The following FAM20B variants were observed in gnomAD, a reference collection of about 807,000 sequenced individuals.
FAM20B encodes FAM20B glycosaminoglycan xylosylkinase.
Under a neutral mutation model 43.8 loss-of-function variants are expected in FAM20B, and 23 were observed. That is an observed-to-expected ratio of 0.53 (90% CI 0.38 to 0.74). The LOEUF (loss-of-function observed/expected upper bound fraction) is 0.74, where lower values mean the gene tolerates loss of function less well. FAM20B is among the 30% of genes least tolerant of loss of function. The pLI is 0.00. For missense variants in FAM20B, 440 were observed against 510.5 expected, an observed-to-expected ratio of 0.86 and a Z score of 1.33; for synonymous variants, 178 against 192.4, an observed-to-expected ratio of 0.93 and a Z score of 0.62.
intron 1 of FAM20B, among the ~76,000 whole-genome samples, chr1:179,041,637 C>A (rs369030211): frequency 5.2e-5 from 6 of 116,168 alleles, no homozygotes; most frequent in African/African-American, 2.1e-4. Flanking sequence ...AGAGGGAGAC[C>A]GTGGGGAGAC....
chr1:179,053,756 A>T (rs1651104525), intron 3 of FAM20B, among the ~76,000 whole-genome samples: 1 of 152,204 alleles, frequency 6.6e-6, no homozygotes, highest in South Asian at 2.1e-4. Context: ...ACAAAGCAAG[A>T]TATAAAACTG....
In FAM20B at chr1:179,058,685, A is replaced by G. The variant is rs141734145; in HGVS notation, c.574+4047A>G. 6.9e-4 allele frequency among the ~76,000 whole-genome samples: 105 copies of G among 152,322 alleles called. 2 individuals are homozygous for G. The East Asian group carries it at 0.017, about 25-fold the overall frequency. On this transcript the variant is annotated intron_variant, in intron 4 of 7. Coordinates refer to ENST00000263733, the MANE Select transcript of FAM20B (RefSeq NM_014864.4). ...AAATCAGATTTGAATTTCAAGAGCG[A>G]ATTGTGGCAGCATTGTCAAGGGTGC...
At chr1:179,071,378 A>G (rs549557633) in intron 7 of FAM20B, among the ~76,000 whole-genome samples, 2 of 152,352 alleles carry the variant, frequency 1.3e-5, no homozygotes, top group South Asian at 2.1e-4. Flanking sequence ...GGAAGTTTAT[A>G]GTACCCATTA....
intron 2 of FAM20B, among the ~76,000 whole-genome samples, chr1:179,046,582 G>A (rs1305373333): frequency 6.6e-6 from 1 of 152,068 alleles, no homozygotes; most frequent in Admixed American, 6.5e-5. Context: ...AACCTGGGAG[G>A]CGAAGGTTGC....
chr1:179,055,005 T>G (rs1395113380), intron 4 of FAM20B, among the ~76,000 whole-genome samples: 6 of 152,210 alleles, frequency 3.9e-5, no homozygotes, highest in Non-Finnish European at 5.9e-5. Flanking sequence ...ACATATATAA[T>G]ATGTTTCCTC....
chr1:179,021,650 A>C (rs1452346548), upstream of FAM20B, among the ~76,000 whole-genome samples: 1 of 152,268 alleles, frequency 6.6e-6, no homozygotes, highest in Non-Finnish European at 1.5e-5. Context: ...TAGAAATCTA[A>C]CATATCCATT....
upstream of FAM20B, among the ~76,000 whole-genome samples, chr1:179,025,649 T>A (rs1208654092): frequency 6.6e-6 from 1 of 151,824 alleles, no homozygotes; most frequent in Non-Finnish European, 1.5e-5. Flanking sequence ...AAGTGAGAAG[T>A]GAGAGGCCAG....
At position 179,063,936 on chromosome 1, in the gene FAM20B, C is replaced by G; in HGVS notation, c.584C>G (p.Thr195Ser). 1 of 1,606,010 alleles carries G rather than the reference C, an allele frequency of 6.2e-7. No homozygotes were observed. Among genetic ancestry groups the G allele is most frequent in the Non-Finnish European group, 8.5e-7 (1 of 1,175,624 alleles). The change falls in exon 5 of 8, where the codon ACT (threonine) becomes AGT (serine). Residue 195 changes from threonine to serine, a missense_variant. Thr to Ser is a moderately conservative substitution (Grantham distance 58, BLOSUM62 1). Transcript: ENST00000263733. ...CCTTTCTGTCCTTTAGGAAACAATA[C>G]TTGTTTTTATGGGAAGTGCTATTAC... ...LSTFLTVGNN[T>S]CFYGKCYYCR...
rs150031972 is a variant in FAM20B at position 179,050,311 on chromosome 1, C to T, written c.410C>T (p.Pro137Leu). 9.3e-6 allele frequency: 15 copies of T among 1,613,860 alleles called. No homozygotes were observed. The highest frequency in any genetic ancestry group is 1.7e-5 in the Admixed American group (1 of 60,004). Residue 137 changes from proline to leucine, a missense_variant, in exon 3 of 8, where the codon CCG (proline) becomes CTG (leucine). Pro to Leu is a moderately conservative substitution (Grantham distance 98, BLOSUM62 -3). Coordinates refer to ENST00000263733, the MANE Select transcript of FAM20B (RefSeq NM_014864.4). ...CGAGACCATGTGGTGGAAGGGGAAC[C>T]GTATGCTGGTTATGATAGACACAAT... ...YSRDHVVEGEPYAGYDRHNAE... is the reference protein window; with the variant it reads ...YSRDHVVEGELYAGYDRHNAE...
In FAM20B at chr1:179,041,154, C is replaced by T. The variant is rs1477414001; in HGVS notation, c.-133-2561C>T. On this transcript the variant is annotated intron_variant, in intron 1 of 7. Transcript: ENST00000263733. Reference sequence around the variant, plus strand: ...AGATGGGATGGCGGCCGGGCAGAGACGCTCCTCACTTTCCAGACTGGGCAG... The same window carrying T: ...AGATGGGATGGCGGCCGGGCAGAGATGCTCCTCACTTTCCAGACTGGGCAG... Among the ~76,000 whole-genome samples the T allele has an allele frequency of 5.2e-4, 78 of 150,614 alleles. 1 individual carries two copies. Among genetic ancestry groups the T allele is most frequent in the Admixed American group, 2.4e-3 (37 of 15,206 alleles).
chr1:179,066,983 C>T, intron 7 of FAM20B, 124 bp downstream of exon 7: 3 of 677,002 alleles, frequency 4.4e-6, no homozygotes. Flanking sequence ...CATACTTTTC[C>T]AACCTAGAAC....
At chr1:179,059,311 T>C (rs72709423) in intron 4 of FAM20B, among the ~76,000 whole-genome samples, 21,516 of 152,212 alleles carry the variant, frequency 0.14, 1,768 homozygotes, top group East Asian at 0.31. Flanking sequence ...CTGGCATCGA[T>C]TGGTGTCTGA....
chr1:179,020,936 T>C (rs184082058), upstream of FAM20B, among the ~76,000 whole-genome samples: 403 of 152,296 alleles, frequency 2.6e-3, 2 homozygotes, highest in Non-Finnish European at 4.4e-3. Context: ...CCAGGCATGG[T>C]GGCGCACGCC....
rs769405459 is a variant in FAM20B, at chr1:179,043,797, T to G, written c.-51T>G. On this transcript the variant is annotated 5_prime_UTR_variant, in exon 2 of 8. Transcript: ENST00000263733. The stretch of plus-strand genomic sequence containing the variant: ...CCTTGCTAACCATCACCACCAGCTC[T>G]CCTTAATACATGAGCAAGAGTGGGT... 1 of 1,523,638 alleles carries G rather than the reference T, an allele frequency of 6.6e-7. No homozygotes were observed. The highest frequency in any genetic ancestry group is 8.9e-7 in the Non-Finnish European group (1 of 1,127,726). The allele number at this position is 1,523,638 out of a possible 1,614,324, so 94.4% of individuals were successfully genotyped here.
intron 1 of FAM20B, among the ~76,000 whole-genome samples, chr1:179,040,480 G>A (rs1218830801): frequency 6.7e-6 from 1 of 149,682 alleles, no homozygotes; most frequent in Non-Finnish European, 1.5e-5. Flanking sequence ...CGGCTAGCCG[G>A]GCGGGGGGCT....
intron 1 of FAM20B, among the ~76,000 whole-genome samples, chr1:179,028,104 T>G (rs1384309668): frequency 2.6e-5 from 4 of 152,224 alleles, no homozygotes; most frequent in Non-Finnish European, 4.4e-5. Flanking sequence ...ACACTTTGTG[T>G]GTCTATCATT....
At chr1:179,021,728 C>T (rs1649607042), upstream of FAM20B, among the ~76,000 whole-genome samples, 1 of 151,964 alleles carries the variant, frequency 6.6e-6, no homozygotes, top group Non-Finnish European at 1.5e-5. Flanking sequence ...AATATATTTT[C>T]AGAATAAAAA....
chr1:179,017,462 T>C, the FAM20B span, among the ~76,000 whole-genome samples: 2 of 152,180 alleles, frequency 1.3e-5, no homozygotes, highest in Non-Finnish European at 1.5e-5. Flanking sequence ...CTACAAACTG[T>C]TGGATATTGA....
At chr1:179,068,391 G>A (rs1322541387) in intron 7 of FAM20B, among the ~76,000 whole-genome samples, 1 of 152,094 alleles carries the variant, frequency 6.6e-6, no homozygotes, top group Non-Finnish European at 1.5e-5. Flanking sequence ...GGTTCAATCA[G>A]GAGATAGCAA....
Sources: allele counts gnomAD v4.1 joint callset (sites outside exome capture counted in the v4.1 genomes callset), GRCh38; gene constraint gnomAD v4.1.1; transcripts MANE v1.5; gene names NCBI Gene and HGNC (gene_info 2026-07-23, HGNC 2026-07-21).